The following FRMD6 variants were observed in gnomAD, a reference collection of about 807,000 sequenced individuals.
FRMD6 encodes FERM domain-containing protein 6.
In FRMD6, 37 loss-of-function variants were observed where a neutral mutation model predicts 73.2. The observed-to-expected ratio is 0.51, with a 90% CI of 0.39 to 0.66. FRMD6 has a LOEUF of 0.66. FRMD6 is among the 30% of genes least tolerant of loss of function. The probability of loss-of-function intolerance (pLI) is 0.00; values close to 1 mark genes in which losing one functional copy is unlikely to be tolerated. For synonymous variants in FRMD6, 273 were observed against 282.2 expected (o/e 0.97, Z 0.33); for missense variants, 714 against 780.5 (o/e 0.91, Z 1.02).
At chr14:51,574,111 C>G (rs887988514) in intron 2 of FRMD6, among the ~76,000 whole-genome samples, 1 of 152,160 alleles carries the variant, frequency 6.6e-6, no homozygotes, top group Non-Finnish European at 1.5e-5. Context: ...CTTTGATTAA[C>G]CCTTGGGAAG....
At chr14:51,673,951 C>T (rs1331611924) in intron 1 of FRMD6, among the ~76,000 whole-genome samples, 1 of 152,098 alleles carries the variant, frequency 6.6e-6, no homozygotes, top group Non-Finnish European at 1.5e-5. Context: ...TAACTTAGAC[C>T]TCAGCTACAG....
chr14:51,501,681 G>A (rs1199115345), intron 1 of FRMD6, among the ~76,000 whole-genome samples: 2 of 152,098 alleles, frequency 1.3e-5, no homozygotes, highest in African/African-American at 2.4e-5. Context: ...ATGAACCAAC[G>A]CATGCATGTT....
At position 51,559,198 on chromosome 14, in the gene FRMD6, T is replaced by C. The variant is rs920611095; in HGVS notation, c.-209-11150T>C. Among the ~76,000 whole-genome samples the C allele has an allele frequency of 1.4e-4, 21 of 152,238 alleles. 1 individual carries two copies. Among genetic ancestry groups the C allele is most frequent in the African/African-American group, 4.8e-4 (20 of 41,462 alleles). On this transcript the variant is annotated intron_variant, in intron 1 of 14. Transcript: ENST00000356218. ...ACCTATTCTCTGATTCTAGAGAATATACTAACTCTCACTCAGAAAAGAAAT... is the reference window on the plus strand; with the variant it reads ...ACCTATTCTCTGATTCTAGAGAATACACTAACTCTCACTCAGAAAAGAAAT...
rs1325053895 is a variant in FRMD6 at position 51,588,177 on chromosome 14, G to A, written c.-147+17767G>A. 2.6e-5 allele frequency among the ~76,000 whole-genome samples: 4 copies of A among 152,042 alleles called. No individual in the cohort carries two copies. In the East Asian group the frequency reaches 7.7e-4, roughly 29 times the overall value. On this transcript the variant is annotated intron_variant, in intron 2 of 14. Transcript: ENST00000356218. ...CTTACTTTTCTCCTAATACAAAAAA[G>A]CATTTCCCCCCCTCCCAAACCTGCA...
intron 1 of FRMD6, among the ~76,000 whole-genome samples, chr14:51,508,983 T>TA (rs1461149213): frequency 2.6e-5 from 4 of 152,158 alleles, no homozygotes; most frequent in African/African-American, 9.7e-5. Flanking sequence ...TTATATGTTT[T>TA]AAAAAACATG....
chr14:51,661,664 T>G (rs888704173), intron 1 of FRMD6, among the ~76,000 whole-genome samples: 1 of 152,182 alleles, frequency 6.6e-6, no homozygotes, highest in Non-Finnish European at 1.5e-5. Context: ...CACATGTTGC[T>G]GAGAAGTCAA....
chr14:51,659,403 C>T (rs1337302796), intron 1 of FRMD6, among the ~76,000 whole-genome samples: 1 of 152,190 alleles, frequency 6.6e-6, no homozygotes, highest in African/African-American at 2.4e-5. Flanking sequence ...GTTCCCAAGC[C>T]TTCATTTATA....
In FRMD6 at chr14:51,561,524, G is replaced by A. The variant is rs369327178; in HGVS notation, c.-209-8824G>A. Among the ~76,000 whole-genome samples the A allele has an allele frequency of 5.5e-4, 83 of 152,270 alleles. 2 individuals are homozygous for A. In the South Asian group the frequency reaches 0.016, roughly 30 times the overall value. The stretch of plus-strand genomic sequence containing the variant: ...AACAGAGGCTGAAGCTGTGAATCAC[G>A]CATTTAAGTAACAGAGTTGTAGGCA... On this transcript the variant is annotated intron_variant, in intron 1 of 14. Coordinates refer to the FRMD6 transcript ENST00000356218.
chr14:51,512,538 G>C (rs575278371), intron 1 of FRMD6, among the ~76,000 whole-genome samples: 9 of 152,094 alleles, frequency 5.9e-5, no homozygotes, highest in Non-Finnish European at 1.2e-4. Context: ...TTCTACCTCA[G>C]CAACTCCTTG....
chr14:51,398,691 C>A, the FRMD6 span, among the ~76,000 whole-genome samples: 34 of 152,166 alleles, frequency 2.2e-4, no homozygotes, highest in African/African-American at 6.7e-4. Flanking sequence ...TACTTTCATT[C>A]AAAAAATTAC....
chr14:51,593,214 G>A lies in FRMD6; in HGVS notation c.-147+22804G>A, dbSNP rs185567433. Among the ~76,000 whole-genome samples the A allele has an allele frequency of 2.8e-3, 425 of 152,278 alleles. 5 individuals are homozygous for A. The highest frequency in any genetic ancestry group is 0.02 in the Middle Eastern group (6 of 294). On this transcript the variant is annotated intron_variant, in intron 2 of 14. Coordinates refer to the FRMD6 transcript ENST00000356218. ...TCATGTGGGTGAGGAGAGTAGGCAAGGGACTCTATAACACTGCCCCAGCGA... is the reference window on the plus strand; with the variant it reads ...TCATGTGGGTGAGGAGAGTAGGCAAAGGACTCTATAACACTGCCCCAGCGA...
intron 2 of FRMD6, among the ~76,000 whole-genome samples, chr14:51,629,333 T>G (rs571454012): frequency 6.6e-6 from 1 of 152,364 alleles, no homozygotes; most frequent in South Asian, 2.1e-4. Flanking sequence ...GCTATGAACA[T>G]TCACATACAT....
At chr14:51,590,147 A>G (rs937800907) in intron 2 of FRMD6, among the ~76,000 whole-genome samples, 73 of 152,300 alleles carry the variant, frequency 4.8e-4, no homozygotes, top group African/African-American at 1.6e-3. Context: ...CTTGTCTAAA[A>G]ATATAGAAAA....
chr14:51,471,387 G>A, the FRMD6 span, among the ~76,000 whole-genome samples: 1 of 151,960 alleles, frequency 6.6e-6, no homozygotes, highest in East Asian at 1.9e-4. Flanking sequence ...TGTAGTCCCA[G>A]CTACTTGGGA....
upstream of FRMD6, chr14:51,489,116 T>A (rs1203334561): frequency 6.6e-6 from 1 of 152,252 alleles, no homozygotes; most frequent in Non-Finnish European, 1.5e-5. Flanking sequence ...AAATTAAAAC[T>A]GGAGAAAGAG....
At chr14:51,434,289 T>C in the FRMD6 span, among the ~76,000 whole-genome samples, 4 of 152,180 alleles carry the variant, frequency 2.6e-5, no homozygotes, top group African/African-American at 9.6e-5. Context: ...GTCTACCACC[T>C]ATATTTTGGT....
chr14:51,604,559 T>C (rs1890169717), intron 2 of FRMD6, among the ~76,000 whole-genome samples: 2 of 151,984 alleles, frequency 1.3e-5, no homozygotes, highest in South Asian at 4.2e-4. Context: ...AAAGAAACAC[T>C]AAAAAAACTA....
Position 51,645,523 on chromosome 14 carries a change from G to A in FRMD6, c.-146-44168G>A, listed in dbSNP as rs1003482685. ...CAGCTCACTCCAGCCTTGACCTCCC[G>A]GGCTCAAGTGAACCTCCACCTCAAG... On this transcript the variant is annotated intron_variant, in intron 2 of 14. Coordinates refer to the FRMD6 transcript ENST00000356218. Among the ~76,000 whole-genome samples the A allele has an allele frequency of 1.1e-4, 16 of 152,112 alleles. No homozygotes were observed. The East Asian group carries it at 1.7e-3, about 17-fold the overall frequency.
At chr14:51,419,986 T>TTCCTGCCCTCGTTAGGTGTGGTCATGG in the FRMD6 span, among the ~76,000 whole-genome samples, 1 of 132,370 alleles carries the variant, frequency 7.6e-6, no homozygotes, top group Non-Finnish European at 1.8e-5. Context: ...TGTGGTCATG[T>TTCCTGCCCTCGTTAGGTGTGGTCATGG]GACTTCCTGC....
Sources: gnomAD v4.1 joint callset for allele counts (sites outside exome capture counted in the v4.1 genomes callset) on GRCh38, gnomAD v4.1.1 for gene constraint, MANE v1.5 for transcripts, NCBI Gene and HGNC (gene_info 2026-07-23, HGNC 2026-07-21) for gene names.